YIPF1: variants seen among roughly 807,000 people sequenced by gnomAD.
The protein encoded by YIPF1 is protein YIPF1.
Under a neutral mutation model 37.0 loss-of-function variants are expected in YIPF1, and 22 were observed. The ratio of observed to expected loss-of-function variants is 0.59; its 90% CI spans 0.42 to 0.85. YIPF1 has a LOEUF of 0.85. YIPF1 is among the 40% of genes least tolerant of loss of function. The pLI is 0.00. For missense variants in YIPF1, 355 were observed against 373.1 expected (o/e 0.95, Z 0.40); for synonymous variants, 128 against 131.9 (o/e 0.97, Z 0.21).
Position 53,872,005 on chromosome 1 carries a change from A to AGTGTGT in YIPF1, c.365-523_365-518dup, listed in dbSNP as rs56411256. ...GTTCACCACGGTTGTGTTGAGTGTC[A>AGTGTGT]GTGTGTGTGTGTGTGTGTGTGTGTG... On this transcript the variant is annotated intron_variant, in intron 6 of 10. Transcript: ENST00000072644. 2.8e-5 allele frequency among the ~76,000 whole-genome samples: 4 copies of AGTGTGT among 144,118 alleles called. No individual in the cohort carries two copies. The Admixed American group carries it at 2.8e-4, about 10-fold the overall frequency. The allele number at this position is 144,118 out of a possible 152,430, so 94.5% of individuals were successfully genotyped here.
chr1:53,884,481 T>C (rs574696847), intron 3 of YIPF1, among the ~76,000 whole-genome samples: 2 of 152,232 alleles, frequency 1.3e-5, no homozygotes, highest in South Asian at 4.1e-4. Flanking sequence ...TTGGGGATTA[T>C]ACACAAAAAT....
chr1:53,860,160 G>C lies in YIPF1; in HGVS notation c.832-7C>G. On this transcript the variant is annotated splice_region_variant and splice_polypyrimidine_tract_variant and intron_variant, in intron 9 of 10. Transcript: ENST00000072644. ...GTGCATCAAAAAAGTATGCCTGTGG[G>C]GAAAAAAAGACCCAGGAGGGAGTTA... The C allele has an allele frequency of 6.2e-7, 1 of 1,613,154 alleles. No homozygotes were observed. The highest frequency in any genetic ancestry group is 8.5e-7 in the Non-Finnish European group (1 of 1,179,676).
In YIPF1 at chr1:53,878,327, G is replaced by A. The variant is rs1650388237; in HGVS notation, c.352C>T (p.Pro118Ser). Residue 118 changes from proline (P) to serine (S), a missense_variant, in exon 6 of 11, where the codon CCA (proline) becomes TCA (serine). Physicochemically the swap from Pro to Ser is moderately conservative, Grantham distance 74. Transcript: ENST00000072644. ...NFVRLYIRSN[P>S]DLYGPFWICA... is the part of the protein sequence containing the mutation. ...GTACTAAACATACCATAGAGATCTG[G>A]ATTGCTGCGGATATATAACCTCACA... 3 of 1,613,956 alleles carry A rather than the reference G, an allele frequency of 1.9e-6. No individual in the cohort carries two copies. In the East Asian group the frequency reaches 6.7e-5, roughly 36 times the overall value.
At position 53,851,846 on chromosome 1, in the gene YIPF1, A is replaced by C. The variant is rs1649601692; in HGVS notation, c.*433T>G. 6.6e-6 allele frequency: 1 copy of C among 152,226 alleles called. No homozygotes were observed. Among genetic ancestry groups the C allele is most frequent in the Admixed American group, 6.5e-5 (1 of 15,284 alleles). 9.4% of individuals were successfully genotyped at this position (152,226 alleles called of 1,614,324 possible). On this transcript the variant is annotated 3_prime_UTR_variant, in exon 11 of 11. Coordinates refer to ENST00000072644, the MANE Select transcript of YIPF1 (RefSeq NM_018982.5). ...CCACCAAAGTTTCTACTGTTCGGCT[A>C]CTTCAGGATGGCTAACATTTGGAGA...
intron 7 of YIPF1, among the ~76,000 whole-genome samples, chr1:53,870,115 T>C (rs1650141205): frequency 6.9e-6 from 1 of 145,038 alleles, no homozygotes; most frequent in Non-Finnish European, 1.5e-5. Context: ...CACCTTGGCC[T>C]CCCAAAGTGC....
chr1:53,884,347 T>C (rs1650584537), intron 3 of YIPF1, among the ~76,000 whole-genome samples: 1 of 152,178 alleles, frequency 6.6e-6, no homozygotes, highest in Non-Finnish European at 1.5e-5. Flanking sequence ...GTGAGATTCA[T>C]GCCACTGATG....
rs2294508 is a variant in YIPF1, at chr1:53,888,985, T to G, written c.-48A>C. The G allele has an allele frequency of 0.21, 330,060 of 1,568,268 alleles. 36,072 individuals carry two copies. The highest frequency in any genetic ancestry group is 0.3 in the East Asian group (13,447 of 44,172). The stretch of plus-strand genomic sequence containing the variant: ...ATTATGAGGAAGAAAATTTGCAGGG[T>G]TCTAAAAGAAAAAAATAGGTAAACA... On this transcript the variant is annotated splice_region_variant and 5_prime_UTR_variant, in exon 3 of 11. Coordinates refer to ENST00000072644, the MANE Select transcript of YIPF1 (RefSeq NM_018982.5).
At chr1:53,879,193 C>T (rs989558659) in intron 4 of YIPF1, among the ~76,000 whole-genome samples, 1 of 151,866 alleles carries the variant, frequency 6.6e-6, no homozygotes, top group East Asian at 1.9e-4. Flanking sequence ...CTCCTGGGCT[C>T]AAACAATCTT....
chr1:53,876,359 G>A (rs1650334697), intron 6 of YIPF1, among the ~76,000 whole-genome samples: 1 of 152,016 alleles, frequency 6.6e-6, no homozygotes, highest in East Asian at 1.9e-4. Context: ...TTAAATTTTA[G>A]GTGAAATGTA....
In YIPF1 at chr1:53,860,053, T is replaced by C. The variant is rs369093623; in HGVS notation, c.*8+3A>G. 188 of 1,613,784 alleles carry C rather than the reference T, an allele frequency of 1.2e-4. No homozygotes were observed. The highest frequency in any genetic ancestry group is 1.4e-4 in the Non-Finnish European group (163 of 1,179,816). ...ACAGCAAAATAAAAATAGAATCTCT[T>C]ACTTTCCTCATTAGCTGGACTTGGC... On this transcript the variant is annotated splice_donor_region_variant and intron_variant, in intron 10 of 10. Transcript: ENST00000072644.
At chr1:53,854,226 T>C (rs116444243) in intron 10 of YIPF1, among the ~76,000 whole-genome samples, 1,945 of 151,550 alleles carry the variant, frequency 0.013, 22 homozygotes, top group Non-Finnish European at 0.021. Context: ...TCCTCCAGCT[T>C]GGGCAACAGA....
intron 9 of YIPF1, among the ~76,000 whole-genome samples, chr1:53,862,893 G>C (rs997886614): frequency 1.3e-5 from 2 of 152,216 alleles, no homozygotes; most frequent in Admixed American, 1.3e-4. Flanking sequence ...CCAACCAGGT[G>C]ACAGTGGAGC....
chr1:53,886,889 A>G (rs1650669031), intron 3 of YIPF1, among the ~76,000 whole-genome samples: 1 of 151,970 alleles, frequency 6.6e-6, no homozygotes, highest in South Asian at 2.1e-4. Flanking sequence ...ATCTGAAGGG[A>G]GAATGTCCCA....
intron 4 of YIPF1, 51 bp downstream of exon 4, chr1:53,883,062 T>A (rs1303981967): frequency 6.6e-7 from 1 of 1,522,840 alleles, no homozygotes; most frequent in Non-Finnish European, 8.8e-7. Flanking sequence ...AATAAGCACA[T>A]AAACAAGCTT....
intron 10 of YIPF1, 83 bp downstream of exon 10, chr1:53,859,973 G>T: frequency 7.2e-7 from 1 of 1,393,326 alleles, no homozygotes; most frequent in African/African-American, 1.4e-5. Context: ...GGCCCTCTGT[G>T]CTTAAAGCTA....
At chr1:53,875,453 G>A (rs1396176737) in intron 6 of YIPF1, among the ~76,000 whole-genome samples, 1 of 152,138 alleles carries the variant, frequency 6.6e-6, no homozygotes, top group Admixed American at 6.5e-5. Context: ...GGATTTTGAG[G>A]CTGCAGTGAG....
intron 10 of YIPF1, among the ~76,000 whole-genome samples, chr1:53,857,082 G>A (rs1048881120): frequency 1.3e-5 from 2 of 152,174 alleles, no homozygotes; most frequent in African/African-American, 4.8e-5. Flanking sequence ...ACTGAGGGTG[G>A]TCTCCAAATG....
rs75461821 is a variant in YIPF1 at position 53,868,731 on chromosome 1, A to G, written c.482-1807T>C. Among the ~76,000 whole-genome samples the G allele has an allele frequency of 1.8e-3, 277 of 152,290 alleles. 2 individuals are homozygous for G. The highest frequency in any genetic ancestry group is 6.5e-3 in the African/African-American group (270 of 41,558). ...ACATAAAACGGAAAAATGTTTATTGATAGGGCCAATGACTACTTTACCAGT... is the reference window on the plus strand; with the variant it reads ...ACATAAAACGGAAAAATGTTTATTGGTAGGGCCAATGACTACTTTACCAGT... On this transcript the variant is annotated intron_variant, in intron 7 of 10. Coordinates refer to ENST00000072644, the MANE Select transcript of YIPF1 (RefSeq NM_018982.5).
intron 7 of YIPF1, 75 bp downstream of exon 7, chr1:53,871,297 C>T: frequency 1.5e-6 from 2 of 1,324,050 alleles, no homozygotes; most frequent in East Asian, 4.7e-5. Flanking sequence ...AGATGGGGCC[C>T]AGGAGCTCAG....
Sources: gnomAD v4.1 joint callset for allele counts (sites outside exome capture counted in the v4.1 genomes callset) on GRCh38, gnomAD v4.1.1 for gene constraint, MANE v1.5 for transcripts, NCBI Gene and HGNC (gene_info 2026-07-23, HGNC 2026-07-21) for gene names.